IL17A: variants seen among roughly 807,000 people sequenced by gnomAD.
The protein encoded by IL17A is interleukin 17A, also known as interleukin-17A.
Under a neutral mutation model 7.2 loss-of-function variants are expected in IL17A, and 1 was observed. The observed-to-expected ratio is 0.14, with a 90% CI of 0.05 to 0.66. The LOEUF (loss-of-function observed/expected upper bound fraction) is 0.66. IL17A is among the 30% of genes least tolerant of loss of function. The pLI, the probability that IL17A is intolerant of heterozygous loss-of-function variation, is 0.84. For missense variants in IL17A, 191 were observed against 197.1 expected (o/e 0.97, Z 0.18); for synonymous variants, 90 against 77.7 (o/e 1.16, Z -0.83).
At position 52,189,362 on chromosome 6, in the gene IL17A, C is replaced by G; in HGVS notation, c.*70C>G. ...GAGCCGACCCAGCCCCTCAGGAACC[C>G]TCATCCTTCAAAGACAGCCTCATTT... On this transcript the variant is annotated 3_prime_UTR_variant, in exon 3 of 3. Transcript: ENST00000648244. 8.7e-7 allele frequency: 1 copy of G among 1,148,738 alleles called. No homozygotes were observed. 71.2% of individuals were successfully genotyped at this position (1,148,738 alleles called of 1,614,324 possible).
At chr6:52,187,534 T>A in intron 1 of IL17A, 69 bp from the exon 2 acceptor site, 4 of 1,205,486 alleles carry the variant, frequency 3.3e-6, no homozygotes, top group Non-Finnish European at 1.2e-6. Context: ...TCATCACAAT[T>A]AATTTGTCAA....
Position 52,189,156 on chromosome 6 carries a change from A to C in IL17A, c.332A>C (p.Asn111Thr). The change falls in exon 3 of 3, where the codon AAC (asparagine) becomes ACC (threonine). Residue 111 changes from asparagine to threonine, a missense_variant. Asn to Thr is a moderately conservative substitution (Grantham distance 65). Coordinates refer to ENST00000648244, the MANE Select transcript of IL17A (RefSeq NM_002190.3). ...GATGGGAACGTGGACTACCACATGA[A>C]CTCTGTCCCCATCCAGCAAGAGATC... ...NADGNVDYHM[N>T]SVPIQQEILV... 1 of 1,613,998 alleles carries C rather than the reference A, an allele frequency of 6.2e-7. No individual in the cohort carries two copies. The highest frequency in any genetic ancestry group is 8.5e-7 in the Non-Finnish European group (1 of 1,179,970).
chr6:52,188,179 C>A (rs1199369382), intron 2 of IL17A, among the ~76,000 whole-genome samples: 1 of 152,072 alleles, frequency 6.6e-6, no homozygotes, highest in Non-Finnish European at 1.5e-5. Flanking sequence ...AGATTTATTG[C>A]AAATAATTAA....
chr6:52,186,953 T>A (rs1225910457), intron 1 of IL17A, among the ~76,000 whole-genome samples: 1 of 152,234 alleles, frequency 6.6e-6, no homozygotes, highest in Non-Finnish European at 1.5e-5. Context: ...GGTTTATATT[T>A]TTTAAATATT....
At position 52,190,496 on chromosome 6, in the gene IL17A, C is replaced by G. The variant is rs1763360235; in HGVS notation, c.*1204C>G. ...TCCTAGGGCCTGGCTTCTGTCTGAT[C>G]AAGGCACCACACAACCCAGAAAGGA... On this transcript the variant is annotated 3_prime_UTR_variant, in exon 3 of 3. Coordinates refer to ENST00000648244, the MANE Select transcript of IL17A (RefSeq NM_002190.3). 1 of 152,200 alleles carries G rather than the reference C, an allele frequency of 6.6e-6. No individual in the cohort carries two copies. The highest frequency in any genetic ancestry group is 2.1e-4 in the South Asian group (1 of 4,828). The allele number at this position is 152,200 out of a possible 1,614,324, so 9.4% of individuals were successfully genotyped here.
At chr6:52,188,622 C>T (rs970471770) in intron 2 of IL17A, among the ~76,000 whole-genome samples, 1 of 152,152 alleles carries the variant, frequency 6.6e-6, no homozygotes, top group African/African-American at 2.4e-5. Context: ...AATGTGATCT[C>T]AGATAAAATT....
intron 2 of IL17A, among the ~76,000 whole-genome samples, 161 bp downstream of exon 2, chr6:52,187,966 T>C (rs1393072279): frequency 1.3e-5 from 2 of 152,212 alleles, no homozygotes; most frequent in African/African-American, 2.4e-5. Flanking sequence ...TACAGATTTC[T>C]TTAACCAAGC....
chr6:52,186,956 T>A (rs946277940), intron 1 of IL17A, among the ~76,000 whole-genome samples: 3 of 152,226 alleles, frequency 2.0e-5, no homozygotes, highest in African/African-American at 7.2e-5. Context: ...TTATATTTTT[T>A]AAATATTTAA....
chr6:52,186,982 T>G (rs1040109273), intron 1 of IL17A, among the ~76,000 whole-genome samples: 1 of 152,236 alleles, frequency 6.6e-6, no homozygotes, highest in African/African-American at 2.4e-5. Flanking sequence ...AGTATCTTTT[T>G]TGAAATCTGA....
rs1763353219 is a variant in IL17A at position 52,190,123 on chromosome 6, T to A, written c.*831T>A. ...ATTCTCCTATAAGCAAAACAAAGCA[T>A]GTCTTTGAGTAACAATGACCTGGAA... On this transcript the variant is annotated 3_prime_UTR_variant, in exon 3 of 3. Coordinates refer to ENST00000648244, the MANE Select transcript of IL17A (RefSeq NM_002190.3). 6.6e-6 allele frequency: 1 copy of A among 152,220 alleles called. No individual in the cohort carries two copies. The highest frequency in any genetic ancestry group is 1.5e-5 in the Non-Finnish European group (1 of 68,038). 9.4% of individuals were successfully genotyped at this position (152,220 alleles called of 1,614,324 possible).
intron 2 of IL17A, among the ~76,000 whole-genome samples, chr6:52,188,054 A>G (rs1763314840): frequency 1.3e-5 from 2 of 152,214 alleles, no homozygotes; most frequent in African/African-American, 4.8e-5. Flanking sequence ...AATTAATTAT[A>G]ATCATTATTC....
chr6:52,187,499 G>T lies in IL17A; in HGVS notation c.28-104G>T, dbSNP rs1370422000. 5.4e-6 allele frequency: 5 copies of T among 920,880 alleles called. No individual in the cohort carries two copies. The East Asian group carries it at 1.2e-4, about 22-fold the overall frequency. 57.0% of individuals were successfully genotyped at this position (920,880 alleles called of 1,614,324 possible). ...TATAGATTGTCCTGGAACATTGTGT[G>T]TTCTCTATGATTAGCAATGCATCAT... is the stretch of plus-strand genomic sequence containing the variant. On this transcript the variant is annotated intron_variant, in intron 1 of 2. Coordinates refer to ENST00000648244, the MANE Select transcript of IL17A (RefSeq NM_002190.3).
chr6:52,188,438 T>A lies in IL17A; in HGVS notation c.231-617T>A, dbSNP rs2128261719. Among the ~76,000 whole-genome samples the A allele has an allele frequency of 1.3e-5, 2 of 152,322 alleles. 1 individual carries two copies. The highest frequency in any genetic ancestry group is 4.1e-4 in the South Asian group (2 of 4,824). ...CTGTTCTGTGGAGCCTACAGATTGG[T>A]CTGATTGTAGGATTTCTTCTCTTCT... On this transcript the variant is annotated intron_variant, in intron 2 of 2. Transcript: ENST00000648244.
At chr6:52,187,276 G>A (rs1763301572) in intron 1 of IL17A, among the ~76,000 whole-genome samples, 1 of 152,142 alleles carries the variant, frequency 6.6e-6, no homozygotes, top group African/African-American at 2.4e-5. Flanking sequence ...TGACAATGAT[G>A]CATGTGCTGA....
rs537913843 is a variant in IL17A at position 52,190,128 on chromosome 6, T to C, written c.*836T>C. The stretch of plus-strand genomic sequence containing the variant: ...CCTATAAGCAAAACAAAGCATGTCT[T>C]TGAGTAACAATGACCTGGAAATACC... On this transcript the variant is annotated 3_prime_UTR_variant, in exon 3 of 3. Transcript: ENST00000648244. The C allele has an allele frequency of 1.4e-4, 21 of 152,300 alleles. No individual in the cohort carries two copies. The South Asian group carries it at 4.3e-3, about 32-fold the overall frequency. 9.4% of individuals were successfully genotyped at this position (152,300 alleles called of 1,614,324 possible).
Position 52,189,381 on chromosome 6 carries a change from C to A in IL17A, c.*89C>A. 1.1e-6 allele frequency: 1 copy of A among 945,444 alleles called. No individual in the cohort carries two copies. Among genetic ancestry groups the A allele is most frequent in the Non-Finnish European group, 1.6e-6 (1 of 614,844 alleles). 58.6% of individuals were successfully genotyped at this position (945,444 alleles called of 1,614,324 possible). ...GGAACCCTCATCCTTCAAAGACAGC[C>A]TCATTTCGGACTAAACTCATTAGAG... is the stretch of plus-strand genomic sequence containing the variant. On this transcript the variant is annotated 3_prime_UTR_variant, in exon 3 of 3. Transcript: ENST00000648244.
In IL17A at chr6:52,189,513, C is replaced by G. The variant is rs1464605695; in HGVS notation, c.*221C>G. On this transcript the variant is annotated 3_prime_UTR_variant, in exon 3 of 3. Coordinates refer to ENST00000648244, the MANE Select transcript of IL17A (RefSeq NM_002190.3). ...CCAAGAAGGAAGGTTTGACTGAGTA[C>G]CAATTTGCTTCTTGTTTACTTTTTT... is the stretch of plus-strand genomic sequence containing the variant. 3 of 457,480 alleles carry G rather than the reference C, an allele frequency of 6.6e-6. No individual in the cohort carries two copies. Among genetic ancestry groups the G allele is most frequent in the African/African-American group, 4.0e-5 (2 of 50,526 alleles). 28.3% of individuals were successfully genotyped at this position (457,480 alleles called of 1,614,324 possible).
At chr6:52,187,155 C>T (rs1440585942) in intron 1 of IL17A, among the ~76,000 whole-genome samples, 2 of 152,110 alleles carry the variant, frequency 1.3e-5, no homozygotes, top group Non-Finnish European at 2.9e-5. Flanking sequence ...CTCTTTCTTC[C>T]AATGTGAATG....
intron 2 of IL17A, 94 bp downstream of exon 2, chr6:52,187,899 T>C: frequency 1.8e-6 from 2 of 1,107,776 alleles, no homozygotes; most frequent in Non-Finnish European, 2.7e-6. Context: ...TTTTATTCAT[T>C]TAGAATTACC....
Sources: gnomAD v4.1 joint callset for allele counts (sites outside exome capture counted in the v4.1 genomes callset) on GRCh38, gnomAD v4.1.1 for gene constraint, MANE v1.5 for transcripts, NCBI Gene and HGNC (gene_info 2026-07-23, HGNC 2026-07-21) for gene names.